The following SAMD12 variants were observed in gnomAD, a reference collection of about 807,000 sequenced individuals.
SAMD12 encodes the protein sterile alpha motif domain containing 12, also known as sterile alpha motif domain-containing protein 12.
Under a neutral mutation model 15.0 loss-of-function variants are expected in SAMD12, and 9 were observed. The observed-to-expected ratio is 0.60, with a 90% CI of 0.36 to 1.05. The LOEUF (loss-of-function observed/expected upper bound fraction) is 1.05. SAMD12 is among the 50% of genes least tolerant of loss of function. SAMD12 has a pLI of 0.01. For missense variants in SAMD12, 230 were observed against 234.2 expected (o/e 0.98, Z 0.12); for synonymous variants, 86 against 90.1 (o/e 0.96, Z 0.25).
chr8:118,449,815 A>AAAAAC, intron 2 of SAMD12, among the ~76,000 whole-genome samples: 1 of 138,942 alleles, frequency 7.2e-6, no homozygotes. Context: ...AAAAAAAAAA[A>AAAAAC]AACAACAAAA....
intron 1 of SAMD12, among the ~76,000 whole-genome samples, chr8:118,604,414 G>A (rs1305439274): frequency 3.3e-5 from 5 of 152,138 alleles, no homozygotes; most frequent in Non-Finnish European, 5.9e-5. Flanking sequence ...GAAATATAGT[G>A]GTTGAATGTA....
intron 2 of SAMD12, among the ~76,000 whole-genome samples, chr8:118,485,820 T>C (rs1046365097): frequency 3.3e-5 from 5 of 152,212 alleles, no homozygotes; most frequent in Non-Finnish European, 7.4e-5. Context: ...CAAACACAGC[T>C]GACTGGTTTT....
the SAMD12 span, among the ~76,000 whole-genome samples, chr8:118,140,675 C>A: frequency 1.3e-5 from 2 of 152,154 alleles, no homozygotes; most frequent in African/African-American, 4.8e-5. Flanking sequence ...GAGAAACTGG[C>A]ACTCCACAAC....
chr8:118,262,555 G>T (rs1478872352), intron 4 of SAMD12, among the ~76,000 whole-genome samples: 2 of 152,032 alleles, frequency 1.3e-5, no homozygotes, highest in African/African-American at 2.4e-5. Flanking sequence ...TCTAAATAAA[G>T]GCGAGCAATT....
In SAMD12 at chr8:118,439,955, T is replaced by G; in HGVS notation, c.199A>C (p.Thr67Pro). The G allele has an allele frequency of 6.2e-7, 1 of 1,613,478 alleles. No individual in the cohort carries two copies. Among genetic ancestry groups the G allele is most frequent in the Non-Finnish European group, 8.5e-7 (1 of 1,179,544 alleles). ...GCCACCGGTTTAGATAGCTTCACCG[T>G]AGCTGACTATAAATAAAGAAGGAAG... ...QAEAETAKSA[T>P]VKLSKPVALW... The change falls in exon 3 of 4, where the codon ACG becomes CCG. Residue 67 changes from threonine (T) to proline (P), a missense_variant. Physicochemically the swap from Thr to Pro is conservative, Grantham distance 38. Transcript: ENST00000314727.
chr8:118,286,122 AC>A (rs1297121013), intron 4 of SAMD12, among the ~76,000 whole-genome samples: 1 of 140,286 alleles, frequency 7.1e-6, no homozygotes, highest in Non-Finnish European at 1.5e-5. Context: ...AACAATGAGA[AC>A]ACTTGGACAC....
chr8:118,559,429 C>T (rs1203312578), intron 2 of SAMD12, among the ~76,000 whole-genome samples: 1 of 152,200 alleles, frequency 6.6e-6, no homozygotes, highest in Non-Finnish European at 1.5e-5. Flanking sequence ...ACAGGGCAGT[C>T]CCACATATCT....
At chr8:118,247,642 G>T in intron 4 of SAMD12, among the ~76,000 whole-genome samples, 1 of 151,502 alleles carries the variant, frequency 6.6e-6, no homozygotes, top group Admixed American at 6.6e-5. Context: ...GCCCAAGCTG[G>T]AGTGCAGTGG....
At chr8:118,595,435 G>A (rs1485182136) in intron 1 of SAMD12, among the ~76,000 whole-genome samples, 1 of 152,134 alleles carries the variant, frequency 6.6e-6, no homozygotes, top group Non-Finnish European at 1.5e-5. Flanking sequence ...TTCTAAAGAT[G>A]CTTCCAGTCA....
chr8:118,545,058 G>A (rs906230759), intron 2 of SAMD12, among the ~76,000 whole-genome samples: 1 of 152,174 alleles, frequency 6.6e-6, no homozygotes, highest in South Asian at 2.1e-4. Context: ...CAGTGCCCAG[G>A]CCTCAGTCAA....
intron 1 of SAMD12, among the ~76,000 whole-genome samples, chr8:118,597,922 T>G (rs116149208): frequency 1.8e-4 from 27 of 152,350 alleles, no homozygotes; most frequent in African/African-American, 6.0e-4. Flanking sequence ...GCCAGTTTCA[T>G]AATCCTCACA....
intron 2 of SAMD12, among the ~76,000 whole-genome samples, chr8:118,503,425 G>C (rs1413390282): frequency 6.6e-6 from 1 of 152,132 alleles, no homozygotes; most frequent in Non-Finnish European, 1.5e-5. Flanking sequence ...AAACATTCAC[G>C]AAGAGTTGAA....
chr8:118,307,953 C>T (rs905180675), intron 4 of SAMD12, among the ~76,000 whole-genome samples: 2 of 152,232 alleles, frequency 1.3e-5, no homozygotes, highest in Non-Finnish European at 2.9e-5. Flanking sequence ...CTGCCCTTGA[C>T]CAAAGGTCAC....
At chr8:118,321,644 G>A (rs1816291284) in intron 4 of SAMD12, among the ~76,000 whole-genome samples, 1 of 149,386 alleles carries the variant, frequency 6.7e-6, no homozygotes, top group South Asian at 2.1e-4. Context: ...AAAGTTGTTC[G>A]TAGATAGTGG....
chr8:118,590,823 A>G (rs1296759039), intron 1 of SAMD12, among the ~76,000 whole-genome samples: 1 of 152,230 alleles, frequency 6.6e-6, no homozygotes, highest in Non-Finnish European at 1.5e-5. Flanking sequence ...AGACATCAGA[A>G]CTATCTGAGA....
chr8:118,614,223 T>G (rs1828180854), intron 1 of SAMD12, among the ~76,000 whole-genome samples: 1 of 152,194 alleles, frequency 6.6e-6, no homozygotes, highest in South Asian at 2.1e-4. Context: ...AACATCTTAC[T>G]CAGTGTTTAC....
the SAMD12 span, among the ~76,000 whole-genome samples, chr8:118,148,242 C>T: frequency 5.3e-5 from 8 of 152,018 alleles, no homozygotes; most frequent in Admixed American, 2.0e-4. Flanking sequence ...GCCACTGTGC[C>T]TGGTTGAGAT....
chr8:118,185,941 C>G (rs1296796405), downstream of SAMD12, among the ~76,000 whole-genome samples: 1 of 152,162 alleles, frequency 6.6e-6, no homozygotes, highest in Admixed American at 6.5e-5. Context: ...GCACACTTGC[C>G]TGCTTGAAAG....
At chr8:118,278,334 A>AGT (rs1352316175) in intron 4 of SAMD12, among the ~76,000 whole-genome samples, 2 of 152,346 alleles carry the variant, frequency 1.3e-5, no homozygotes, top group East Asian at 3.9e-4. Context: ...ACAACCCAAG[A>AGT]GTGCCACGGA....
Sources: gnomAD v4.1 joint callset for allele counts (sites outside exome capture counted in the v4.1 genomes callset) on GRCh38, gnomAD v4.1.1 for gene constraint, MANE v1.5 for transcripts, NCBI Gene and HGNC (gene_info 2026-07-23, HGNC 2026-07-21) for gene names.